The following PDS5A variants were observed in gnomAD, a reference collection of about 807,000 sequenced individuals.
The protein encoded by PDS5A is sister chromatid cohesion protein PDS5 homolog A.
PDS5A carries 42 observed loss-of-function variants against 167.1 expected under a neutral mutation model. That is an observed-to-expected ratio of 0.25 (90% confidence interval 0.20 to 0.33). The LOEUF is 0.33. PDS5A is among the 10% of genes least tolerant of loss of function. PDS5A has a pLI of 1.00. For missense variants in PDS5A, 1,033 were observed against 1,605.9 expected, an observed-to-expected ratio of 0.64 and a Z score of 6.10; for synonymous variants, 553 against 554.6, an observed-to-expected ratio of 1.00 and a Z score of 0.04.
intron 2 of PDS5A, among the ~76,000 whole-genome samples, chr4:39,971,075 T>C (rs889231176): frequency 1.3e-5 from 2 of 151,868 alleles, no homozygotes; most frequent in African/African-American, 2.4e-5. Flanking sequence ...CACCCAGCCT[T>C]GTTCCATTCT....
intron 2 of PDS5A, among the ~76,000 whole-genome samples, chr4:39,956,895 C>A (rs1260252860): frequency 6.6e-6 from 1 of 152,178 alleles, no homozygotes; most frequent in Non-Finnish European, 1.5e-5. Flanking sequence ...TAGTCTCAAA[C>A]TCCTGGCCTC....
chr4:39,916,189 C>G (rs1459547087), intron 8 of PDS5A, among the ~76,000 whole-genome samples: 1 of 109,178 alleles, frequency 9.2e-6, no homozygotes, highest in East Asian at 2.6e-4. Context: ...AAGACTCCGT[C>G]TCAAAAAAAC....
intron 16 of PDS5A, among the ~76,000 whole-genome samples, chr4:39,895,055 G>A (rs985236341): frequency 4.6e-5 from 7 of 151,938 alleles, no homozygotes; most frequent in Non-Finnish European, 5.9e-5. Context: ...GTGAAACCGC[G>A]TCTCTACTAA....
chr4:39,958,772 C>T (rs765321701), intron 2 of PDS5A, among the ~76,000 whole-genome samples: 6 of 151,930 alleles, frequency 3.9e-5, no homozygotes, highest in Non-Finnish European at 7.4e-5. Context: ...CCACCCCTGA[C>T]TAATTTTTGT....
chr4:39,906,000 A>T (rs1723303210), intron 11 of PDS5A, among the ~76,000 whole-genome samples: 1 of 102,606 alleles, frequency 9.7e-6, no homozygotes, highest in South Asian at 4.2e-4. Context: ...TTAAAAATGG[A>T]GATGAAGTAA....
intron 2 of PDS5A, among the ~76,000 whole-genome samples, chr4:39,950,737 G>A (rs1255501017): frequency 1.3e-5 from 2 of 151,088 alleles, no homozygotes; most frequent in Admixed American, 6.6e-5. Flanking sequence ...ACAGGTCTAC[G>A]CTACCACACC....
At chr4:39,902,927 T>C (rs1407186476) in intron 12 of PDS5A, among the ~76,000 whole-genome samples, 1 of 152,222 alleles carries the variant, frequency 6.6e-6, no homozygotes, top group Non-Finnish European at 1.5e-5. Flanking sequence ...GACTTCCTTC[T>C]TGGAAAGCTT....
At chr4:39,885,878 C>A (rs532912202) in intron 17 of PDS5A, among the ~76,000 whole-genome samples, 2 of 152,060 alleles carry the variant, frequency 1.3e-5, no homozygotes, top group East Asian at 3.9e-4. Context: ...TCACCTGAGC[C>A]CAGGAGGTCA....
rs1199400541 is a variant in PDS5A, at chr4:39,825,449, G to C, written c.*36C>G. 1.9e-6 allele frequency: 3 copies of C among 1,566,054 alleles called. No homozygotes were observed. Among genetic ancestry groups the C allele is most frequent in the Non-Finnish European group, 2.6e-6 (3 of 1,150,890 alleles). On this transcript the variant is annotated 3_prime_UTR_variant, in exon 33 of 33. Coordinates refer to ENST00000303538, the MANE Select transcript of PDS5A (RefSeq NM_001100399.2). Reference sequence around the variant, plus strand: ...TTTGCAGAAGCTGGAGCCTGCTTCTGTTTGGCCTTCATTTTCTCCCTTTGC... The same window carrying C: ...TTTGCAGAAGCTGGAGCCTGCTTCTCTTTGGCCTTCATTTTCTCCCTTTGC...
chr4:39,939,530 C>T (rs563888299), intron 2 of PDS5A, among the ~76,000 whole-genome samples: 16 of 151,832 alleles, frequency 1.1e-4, no homozygotes, highest in Non-Finnish European at 8.8e-5. Context: ...CAAAGTGGCT[C>T]ACGCCTTAAT....
At position 39,922,752 on chromosome 4, in the gene PDS5A, T is replaced by A. The variant is rs201429818; in HGVS notation, c.528-4A>T. On this transcript the variant is annotated splice_polypyrimidine_tract_variant and splice_region_variant and intron_variant, in intron 5 of 32. Transcript: ENST00000303538. ...TACCTTCTTATTGTGGCTATTGCTATAAAAAAAAAAAAAAAAGAATAAGTA... is the reference window on the plus strand; with the variant it reads ...TACCTTCTTATTGTGGCTATTGCTAAAAAAAAAAAAAAAAAAGAATAAGTA... The A allele has an allele frequency of 8.6e-4, 1,062 of 1,238,186 alleles. No homozygotes were observed. The highest frequency in any genetic ancestry group is 3.4e-3 in the Admixed American group (98 of 28,618). 76.7% of individuals were successfully genotyped at this position (1,238,186 alleles called of 1,614,324 possible). A position where few individuals can be genotyped will look rare whatever the true frequency, so the allele number is the denominator to read the frequency against.
Position 39,838,008 on chromosome 4 carries a change from A to G in PDS5A, c.3858T>C (p.Asp1286=). 6.2e-7 allele frequency: 1 copy of G among 1,613,960 alleles called. No homozygotes were observed. The highest frequency in any genetic ancestry group is 8.5e-7 in the Non-Finnish European group (1 of 1,179,896). ...CCTTGTTAATAGGTTTATTTAGATCATCATTTTTGGTAGCATTGCCCTGAG... is the reference window on the plus strand; with the variant it reads ...CCTTGTTAATAGGTTTATTTAGATCGTCATTTTTGGTAGCATTGCCCTGAG... ...SESQGNATKN[D]DLNKPINKGR... Residue 1286 remains aspartate (D), a synonymous_variant, in exon 32 of 33, where the codon GAT becomes GAC. Transcript: ENST00000303538.
At position 39,862,750 on chromosome 4, in the gene PDS5A, C is replaced by A. The variant is rs912804759; in HGVS notation, c.2971+119G>T. 8 of 648,088 alleles carry A rather than the reference C, an allele frequency of 1.2e-5. No homozygotes were observed. In the African/African-American group the frequency reaches 1.3e-4, roughly 10 times the overall value. 40.1% of individuals were successfully genotyped at this position (648,088 alleles called of 1,614,324 possible). ...ACATCATAACTACAATGACAGCATT[C>A]TATAAAACTCCCAGTTTTATTATAA... On this transcript the variant is annotated intron_variant, in intron 25 of 32. Transcript: ENST00000303538.
intron 23 of PDS5A, among the ~76,000 whole-genome samples, chr4:39,865,550 A>C (rs916772087): frequency 6.6e-6 from 1 of 152,246 alleles, no homozygotes; most frequent in Non-Finnish European, 1.5e-5. Flanking sequence ...ATAGCATAGC[A>C]GTACCACATA....
chr4:39,941,978 A>G (rs1330615702), intron 2 of PDS5A, among the ~76,000 whole-genome samples: 2 of 152,178 alleles, frequency 1.3e-5, no homozygotes, highest in Non-Finnish European at 2.9e-5. Flanking sequence ...AGTTGGTAAC[A>G]TTTAGATTCC....
At chr4:39,951,002 C>T (rs1728300075) in intron 2 of PDS5A, among the ~76,000 whole-genome samples, 1 of 151,732 alleles carries the variant, frequency 6.6e-6, no homozygotes, top group Non-Finnish European at 1.5e-5. Context: ...CTCCTGGGCT[C>T]AAGCAATCCT....
chr4:39,843,006 G>A (rs775029455), intron 30 of PDS5A, among the ~76,000 whole-genome samples: 30 of 146,334 alleles, frequency 2.1e-4, no homozygotes, highest in Non-Finnish European at 3.6e-4. Flanking sequence ...AGAACTCCTG[G>A]GCTCAAGTGA....
intron 5 of PDS5A, among the ~76,000 whole-genome samples, chr4:39,925,378 CA>C (rs1725366290): frequency 6.6e-6 from 1 of 152,140 alleles, no homozygotes; most frequent in South Asian, 2.1e-4. Context: ...AAGAAGTTGT[CA>C]AAGTTAGTGA....
In PDS5A at chr4:39,825,259, G is replaced by A. The variant is rs900391977; in HGVS notation, c.*226C>T. On this transcript the variant is annotated 3_prime_UTR_variant, in exon 33 of 33. Coordinates refer to ENST00000303538, the MANE Select transcript of PDS5A (RefSeq NM_001100399.2). ...AAAGTCTAGGGGAAGGGGGAGAACA[G>A]AGTTGCTTTTAGCCTCTCTCTCAAG... 7.2e-6 allele frequency: 3 copies of A among 414,054 alleles called. No homozygotes were observed. Among genetic ancestry groups the A allele is most frequent in the African/African-American group, 6.1e-5 (3 of 48,884 alleles). 25.6% of individuals were successfully genotyped at this position (414,054 alleles called of 1,614,324 possible).
Sources: allele counts gnomAD v4.1 joint callset (sites outside exome capture counted in the v4.1 genomes callset), GRCh38; gene constraint gnomAD v4.1.1; transcripts MANE v1.5; gene names NCBI Gene and HGNC (gene_info 2026-07-23, HGNC 2026-07-21).